INTS7: variants seen among roughly 807,000 people sequenced by gnomAD.
The protein encoded by INTS7 is integrator complex subunit 7, also known as chromosome 1 open reading frame 73.
Under a neutral mutation model 109.2 loss-of-function variants are expected in INTS7, and 46 were observed. The observed-to-expected ratio is 0.42, with a 90% CI of 0.33 to 0.54. The LOEUF is 0.54. INTS7 is among the 20% of genes least tolerant of loss of function. The pLI is 0.07. For missense variants in INTS7, 929 were observed against 1,132.4 expected, an observed-to-expected ratio of 0.82 and a Z score of 2.58; for synonymous variants, 412 against 402.9, an observed-to-expected ratio of 1.02 and a Z score of -0.27.
chr1:211,955,739 T>C (rs1384691687), intron 16 of INTS7, among the ~76,000 whole-genome samples: 1 of 152,224 alleles, frequency 6.6e-6, no homozygotes, highest in Non-Finnish European at 1.5e-5. Flanking sequence ...ACAACTACTC[T>C]GGGAAACAGG....
chr1:211,961,918 A>G (rs139740601), intron 16 of INTS7, among the ~76,000 whole-genome samples: 13 of 152,340 alleles, frequency 8.5e-5, no homozygotes, highest in Middle Eastern at 3.4e-3. Context: ...CAGTCACTAC[A>G]AAAACATACT....
At chr1:211,971,316 G>A (rs942601647) in intron 13 of INTS7, among the ~76,000 whole-genome samples, 1 of 152,210 alleles carries the variant, frequency 6.6e-6, no homozygotes, top group African/African-American at 2.4e-5. Context: ...TTTGCAGTAA[G>A]TGCATCAAAA....
intron 12 of INTS7, among the ~76,000 whole-genome samples, 157 bp downstream of exon 12, chr1:211,976,425 A>C (rs1281177153): frequency 6.6e-6 from 1 of 152,224 alleles, no homozygotes; most frequent in Non-Finnish European, 1.5e-5. Flanking sequence ...GATAAAAGTT[A>C]AAAATCAGGT....
At chr1:212,006,569 T>C (rs1277932777) in intron 7 of INTS7, 70 bp downstream of exon 7, 12 of 721,322 alleles carry the variant, frequency 1.7e-5, no homozygotes, top group Admixed American at 8.1e-5. Context: ...AATATAAAAA[T>C]GCAAAACATT....
In INTS7 at chr1:211,987,895, T is replaced by C. The variant is rs372485233; in HGVS notation, c.988A>G (p.Ile330Val). The C allele has an allele frequency of 5.1e-6, 8 of 1,563,496 alleles. No individual in the cohort carries two copies. In the African/African-American group the frequency reaches 9.5e-5, roughly 19 times the overall value. ...GTIAIKHYFS[I>V]VPGNVSSSPR... ...CCTGTCTTTTCCTTACCTGGAACTA[T>C]ACTGAAGTAATGTTTGATGGCGATG... Residue 330 changes from isoleucine to valine, a missense_variant, in exon 8 of 20, where the codon ATA (isoleucine) becomes GTA (valine). Ile to Val is a conservative substitution (Grantham distance 29, BLOSUM62 3). Coordinates refer to ENST00000366994, the MANE Select transcript of INTS7 (RefSeq NM_015434.4).
intron 7 of INTS7, among the ~76,000 whole-genome samples, chr1:211,993,981 CA>C (rs749313062): frequency 1.3e-5 from 2 of 151,978 alleles, no homozygotes; most frequent in Non-Finnish European, 2.9e-5. Context: ...TACTAACCAA[CA>C]AACCAGAAAA....
chr1:212,018,020 C>A (rs1666516283), intron 3 of INTS7, among the ~76,000 whole-genome samples: 1 of 152,150 alleles, frequency 6.6e-6, no homozygotes, highest in South Asian at 2.1e-4. Context: ...ATGACTTATT[C>A]CCACTGCTTC....
intron 8 of INTS7, among the ~76,000 whole-genome samples, chr1:211,985,770 T>C (rs925547563): frequency 6.6e-6 from 1 of 152,186 alleles, no homozygotes; most frequent in Non-Finnish European, 1.5e-5. Flanking sequence ...ATAAACTCCT[T>C]TGCATATGCC....
chr1:211,977,269 C>G (rs1664460191), intron 11 of INTS7, among the ~76,000 whole-genome samples: 1 of 152,118 alleles, frequency 6.6e-6, no homozygotes, highest in African/African-American at 2.4e-5. Flanking sequence ...ATACCTTTTT[C>G]TTAAGCTAGA....
At chr1:211,973,723 C>G (rs1353196298) in intron 13 of INTS7, among the ~76,000 whole-genome samples, 2 of 152,214 alleles carry the variant, frequency 1.3e-5, no homozygotes, top group Non-Finnish European at 2.9e-5. Context: ...TTTCCAACAA[C>G]TCTGAGGATC....
At chr1:211,982,627 A>G in intron 9 of INTS7, 49 bp downstream of exon 9, 1 of 1,456,828 alleles carries the variant, frequency 6.9e-7, no homozygotes. Context: ...AATTCTGTCC[A>G]AGGTCTAAAC....
chr1:211,971,404 T>C (rs1475395481), intron 13 of INTS7, among the ~76,000 whole-genome samples: 5 of 152,134 alleles, frequency 3.3e-5, no homozygotes, highest in Admixed American at 2.6e-4. Flanking sequence ...ATCAACACTA[T>C]AGAGTGGGAA....
chr1:211,992,557 T>C (rs915922119), intron 7 of INTS7, among the ~76,000 whole-genome samples: 2 of 152,108 alleles, frequency 1.3e-5, no homozygotes, highest in African/African-American at 4.8e-5. Flanking sequence ...GTGGGGCGCA[T>C]CTGTAGTCCT....
intron 9 of INTS7, 111 bp from the exon 10 acceptor site, chr1:211,981,301 T>C: frequency 1.7e-6 from 1 of 586,910 alleles, no homozygotes; most frequent in Non-Finnish European, 3.0e-6. Context: ...GTTTAAGATA[T>C]AGGGAATTAT....
intron 16 of INTS7, among the ~76,000 whole-genome samples, chr1:211,958,960 G>A (rs1663486589): frequency 6.6e-6 from 1 of 152,200 alleles, no homozygotes; most frequent in South Asian, 2.1e-4. Context: ...CAGAAGCTGG[G>A]CTGAAGGGGA....
intron 16 of INTS7, among the ~76,000 whole-genome samples, chr1:211,955,530 T>G (rs1213874907): frequency 6.6e-6 from 1 of 152,176 alleles, no homozygotes; most frequent in Admixed American, 6.5e-5. Flanking sequence ...GGCCATGGGT[T>G]TGTCATCGAT....
intron 8 of INTS7, among the ~76,000 whole-genome samples, chr1:211,983,882 C>T (rs1664775001): frequency 6.6e-6 from 1 of 151,118 alleles, no homozygotes; most frequent in Non-Finnish European, 1.5e-5. Flanking sequence ...GAGTCTCACT[C>T]TGTTGCCCAG....
At chr1:211,967,191 G>A (rs977880865) in intron 15 of INTS7, among the ~76,000 whole-genome samples, 2 of 152,076 alleles carry the variant, frequency 1.3e-5, no homozygotes, top group African/African-American at 4.8e-5. Context: ...GGCTGGGCAC[G>A]GTGGCTCACG....
chr1:211,944,941 G>A lies in INTS7; in HGVS notation c.2444C>T (p.Pro815Leu), dbSNP rs772343079. 6.2e-7 allele frequency: 1 copy of A among 1,613,994 alleles called. No individual in the cohort carries two copies. Among genetic ancestry groups the A allele is most frequent in the African/African-American group, 1.3e-5 (1 of 74,912 alleles). The change falls in exon 19 of 20, where the codon CCT (proline) becomes CTT (leucine). Residue 815 changes from proline (P) to leucine (L), a missense_variant. By Grantham distance (98) the Pro-to-Leu change is moderately conservative. This residue lies in a region of INTS7 where 787 missense variants were observed against 901.1 expected (regional missense o/e 0.87). Transcript: ENST00000366994. ...ATTCTGGACAGCAATGGGCTCTGCA[G>A]GATTCCGGGGCGATGGTGACAGAGC... ...KLALSPSPRNPAEPIAVQNNQ... is the reference protein window; with the variant it reads ...KLALSPSPRNLAEPIAVQNNQ...
Sources: allele counts gnomAD v4.1 joint callset (sites outside exome capture counted in the v4.1 genomes callset), GRCh38; gene constraint gnomAD v4.1.1; regional missense constraint gnomAD v4.1.1; transcripts MANE v1.5; gene names NCBI Gene and HGNC (gene_info 2026-07-23, HGNC 2026-07-21).